The following NRF1 variants were observed in gnomAD, a reference collection of about 807,000 sequenced individuals.
The protein encoded by NRF1 is alpha palindromic-binding protein.
In NRF1, 5 loss-of-function variants were observed where a neutral mutation model predicts 58.5. The observed-to-expected ratio is 0.09, with a 90% confidence interval of 0.04 to 0.18. NRF1 has a LOEUF of 0.18. Among genes scored for constraint, NRF1 ranks in the 10% least tolerant of loss-of-function variants. NRF1 has a pLI of 1.00. For missense variants in NRF1, 288 were observed against 657.7 expected (o/e 0.44, Z 6.15); for synonymous variants, 224 against 246.7 (o/e 0.91, Z 0.86).
chr7:129,623,523 C>G (rs1800850577), intron 1 of NRF1, among the ~76,000 whole-genome samples: 1 of 152,010 alleles, frequency 6.6e-6, no homozygotes, highest in Non-Finnish European at 1.5e-5. Context: ...TAAAGAATAA[C>G]TGGAACTTTC....
intron 4 of NRF1, among the ~76,000 whole-genome samples, chr7:129,683,288 A>AGTGTGTGTGTGT (rs35691853): frequency 2.8e-5 from 4 of 140,390 alleles, no homozygotes; most frequent in Non-Finnish European, 6.1e-5. Context: ...TCATGTGGAG[A>AGTGTGTGTGTGT]GTGTGTGTGT....
At chr7:129,685,495 A>G (rs1402714572) in intron 4 of NRF1, among the ~76,000 whole-genome samples, 1 of 151,796 alleles carries the variant, frequency 6.6e-6, no homozygotes, top group Non-Finnish European at 1.5e-5. Context: ...TTACCTGTAT[A>G]TGTATATTTA....
At chr7:129,684,866 G>T (rs1239948246) in intron 4 of NRF1, among the ~76,000 whole-genome samples, 1 of 152,118 alleles carries the variant, frequency 6.6e-6, no homozygotes. Context: ...GGGGTTTCAG[G>T]GTTCAAAACT....
intron 4 of NRF1, among the ~76,000 whole-genome samples, chr7:129,683,320 T>TGAGAGAGAGAGA (rs72404049): frequency 7.3e-6 from 1 of 136,384 alleles, no homozygotes; most frequent in African/African-American, 2.9e-5. Context: ...TGTGTGTGTG[T>TGAGAGAGAGAGA]GAGAGAGAGA....
rs539753465 is a variant in NRF1 at position 129,724,969 on chromosome 7, G to A, written c.1224-2272G>A. 3.9e-5 allele frequency among the ~76,000 whole-genome samples: 6 copies of A among 152,248 alleles called. No homozygotes were observed. In the East Asian group the frequency reaches 9.6e-4, roughly 24 times the overall value. On this transcript the variant is annotated intron_variant, in intron 9 of 10. Transcript: ENST00000393232. ...CACACCTATAGTTCCAGCTATTTGC[G>A]TCAGGAGGCTAAAGCAGGATTGCTT... is the stretch of plus-strand genomic sequence containing the variant.
chr7:129,620,144 A>G (rs952078096), intron 1 of NRF1, among the ~76,000 whole-genome samples: 6 of 152,218 alleles, frequency 3.9e-5, no homozygotes, highest in Non-Finnish European at 8.8e-5. Flanking sequence ...GATCAAGGGA[A>G]AGAAATCTTG....
chr7:129,751,997 C>T (rs981791676), intron 10 of NRF1, among the ~76,000 whole-genome samples: 5 of 152,182 alleles, frequency 3.3e-5, no homozygotes, highest in African/African-American at 9.7e-5. Context: ...TGGTTGAGGC[C>T]AGCAGTACAT....
chr7:129,717,344 G>T lies in NRF1; in HGVS notation c.1191G>T (p.Gln397His), dbSNP rs1175915176. ...CAGTGGCAGCTTCTCAGGAGATGCA[G>T]CAGGGAGCTACAGTCACTATGGCGC... ...EAAVAASQEM[Q>H]QGATVTMALN... is the part of the protein sequence containing the mutation. Residue 397 changes from glutamine (Q) to histidine (H), a missense_variant, in exon 9 of 11, where the codon CAG (glutamine) becomes CAT (histidine). Around this residue, in one of 3 missense-constraint regions of NRF1, gnomAD observed 212 missense variants for 559.7 expected, o/e 0.38. Transcript: ENST00000393232. 6.2e-7 allele frequency: 1 copy of T among 1,613,558 alleles called. No individual in the cohort carries two copies. Among genetic ancestry groups the T allele is most frequent in the Non-Finnish European group, 8.5e-7 (1 of 1,179,854 alleles).
intron 4 of NRF1, among the ~76,000 whole-genome samples, chr7:129,680,522 G>A (rs1210091240): frequency 6.6e-6 from 1 of 152,152 alleles, no homozygotes; most frequent in East Asian, 1.9e-4. Context: ...ATTTATAATT[G>A]CCAAAAAGTG....
At chr7:129,749,457 G>A (rs1421315072) in intron 10 of NRF1, among the ~76,000 whole-genome samples, 1 of 151,566 alleles carries the variant, frequency 6.6e-6, no homozygotes, top group Non-Finnish European at 1.5e-5. Context: ...ATAGAGCCAT[G>A]TCAGGCCTCA....
chr7:129,673,830 TA>T (rs968624623), intron 3 of NRF1, among the ~76,000 whole-genome samples: 59 of 151,536 alleles, frequency 3.9e-4, no homozygotes, highest in African/African-American at 1.3e-3. Context: ...AAAGTAAAAT[TA>T]AAAAAAAATT....
chr7:129,647,404 C>CTTT (rs1274782003), intron 1 of NRF1, among the ~76,000 whole-genome samples: 2 of 131,590 alleles, frequency 1.5e-5, no homozygotes, highest in Non-Finnish European at 3.3e-5. Context: ...TCTTTTCTTG[C>CTTT]TTTTTTTTTT....
intron 8 of NRF1, among the ~76,000 whole-genome samples, chr7:129,714,464 G>A (rs370576532): frequency 2.0e-5 from 3 of 152,270 alleles, no homozygotes; most frequent in Admixed American, 6.5e-5. Context: ...AGCACTGCCC[G>A]GCTTCAGTGG....
intron 5 of NRF1, among the ~76,000 whole-genome samples, chr7:129,695,751 C>T (rs1267183008): frequency 6.7e-6 from 1 of 150,166 alleles, no homozygotes; most frequent in Non-Finnish European, 1.5e-5. Flanking sequence ...TAAAATATGC[C>T]CACCTCTGTG....
At chr7:129,729,238 AGT>A (rs1159719721) in intron 10 of NRF1, among the ~76,000 whole-genome samples, 10 of 152,200 alleles carry the variant, frequency 6.6e-5, no homozygotes, top group Admixed American at 1.3e-4. Flanking sequence ...ATTTATAATA[AGT>A]CCAAGGACCC....
At chr7:129,691,300 C>T (rs1802560317) in intron 5 of NRF1, among the ~76,000 whole-genome samples, 1 of 151,562 alleles carries the variant, frequency 6.6e-6, no homozygotes, top group Non-Finnish European at 1.5e-5. Flanking sequence ...AGTTTAGCTT[C>T]ATCAAAATCA....
intron 7 of NRF1, among the ~76,000 whole-genome samples, 153 bp downstream of exon 7, chr7:129,710,724 A>T (rs1440566025): frequency 1.3e-5 from 2 of 152,216 alleles, no homozygotes; most frequent in Admixed American, 1.3e-4. Context: ...TTTCTGAAGA[A>T]TAGTTTAAAT....
chr7:129,739,820 T>A (rs1274878596), intron 10 of NRF1, among the ~76,000 whole-genome samples: 2 of 152,156 alleles, frequency 1.3e-5, no homozygotes, highest in Non-Finnish European at 2.9e-5. Flanking sequence ...GGATTTATAG[T>A]AGCCCGCCAA....
chr7:129,702,097 A>T (rs188132002), intron 5 of NRF1, among the ~76,000 whole-genome samples: 2 of 152,200 alleles, frequency 1.3e-5, no homozygotes, highest in African/African-American at 4.8e-5. Flanking sequence ...ATGCCTCTGG[A>T]TAGGAGACTG....
Sources: gnomAD v4.1 joint callset for allele counts (sites outside exome capture counted in the v4.1 genomes callset) on GRCh38, gnomAD v4.1.1 for gene constraint, gnomAD v4.1.1 regional missense constraint, MANE v1.5 for transcripts, NCBI Gene and HGNC (gene_info 2026-07-23, HGNC 2026-07-21) for gene names.